CDK16: variants seen among roughly 807,000 people sequenced by gnomAD.
CDK16 encodes the protein cyclin dependent kinase 16, also known as cyclin-dependent kinase 16.
A neutral mutation model predicts 41.6 loss-of-function variants in CDK16; 2 were observed. That is an observed-to-expected ratio of 0.05 (90% CI 0.02 to 0.15). CDK16 has a LOEUF of 0.15. CDK16 is among the 10% of genes least tolerant of loss of function. The pLI, the probability that CDK16 is intolerant of heterozygous loss-of-function variation, is 1.00. For synonymous variants in CDK16, 169 were observed against 169.7 expected (o/e 1.00, Z 0.03); for missense variants, 228 against 428.9 (o/e 0.53, Z 4.14).
Position 47,226,881 on chromosome X carries a change from A to T in CDK16, c.1107A>T (p.Glu369Asp). 2.5e-6 allele frequency: 3 copies of T among 1,210,495 alleles called. No individual in the cohort carries two copies. The highest frequency in any genetic ancestry group is 3.4e-6 in the Non-Finnish European group (3 of 894,579). Residue 369 changes from glutamate to aspartate, a missense_variant, in exon 11 of 16, where the codon GAA becomes GAT. By Grantham distance (45) the Glu-to-Asp change is conservative (BLOSUM62 2). This residue lies in a region of CDK16 where 91 missense variants were observed against 129.5 expected (regional missense o/e 0.70). Transcript: ENST00000357227. ...TCTTTCCGGGCTCCACGGTGGAGGA[A>T]CAGCTACACTTCATCTTCCGTATCT... ...RPLFPGSTVEEQLHFIFRILG... is the reference protein window; with the variant it reads ...RPLFPGSTVEDQLHFIFRILG...
intron 1 of CDK16, among the ~76,000 whole-genome samples, chrX:47,219,514 G>C (rs887409403): frequency 1.8e-5 from 2 of 109,541 alleles, no homozygotes; most frequent in Admixed American, 9.6e-5. Context: ...AGGGACCCGA[G>C]GGTGTATAAC....
chrX:47,219,924 A>T (rs1243140203), intron 1 of CDK16, among the ~76,000 whole-genome samples: 1 of 110,414 alleles, frequency 9.1e-6, no homozygotes, highest in Non-Finnish European at 1.9e-5. Context: ...GGACTGTGGA[A>T]TACCTGAGCC....
chrX:47,218,866 G>T lies in CDK16; in HGVS notation c.-246G>T. 9.0e-7 allele frequency: 1 copy of T among 1,113,803 alleles called. No homozygotes were observed. The highest frequency in any genetic ancestry group is 2.0e-5 in the South Asian group (1 of 49,594). The allele number at this position is 1,113,803 out of a possible 1,213,427, so 91.8% of individuals were successfully genotyped here. On this transcript the variant is annotated 5_prime_UTR_variant, in exon 1 of 16. Transcript: ENST00000357227. ...CGAGTCCGGGGGCATCGCCCGCAGCGGCCAAGCTCATGGCCGGCTGAGCGG... is the reference window on the plus strand; with the variant it reads ...CGAGTCCGGGGGCATCGCCCGCAGCTGCCAAGCTCATGGCCGGCTGAGCGG...
chrX:47,229,293 A>C lies in CDK16; in HGVS notation c.*525A>C. 5.4e-6 allele frequency: 1 copy of C among 186,850 alleles called. No homozygotes were observed. The highest frequency in any genetic ancestry group is 9.9e-6 in the Non-Finnish European group (1 of 100,758). The allele number at this position is 186,850 out of a possible 1,213,427, so 15.4% of individuals were successfully genotyped here. On this transcript the variant is annotated 3_prime_UTR_variant, in exon 16 of 16. Coordinates refer to ENST00000357227, the MANE Select transcript of CDK16 (RefSeq NM_006201.5). ...TTTTTTTTTAATTATTTTAAATGAG[A>C]TTTTTGTTTTTTTTAAATGCAATAT...
Position 47,226,674 on chromosome X carries a change from C to T in CDK16, c.1008C>T (p.Ser336=). 1 of 1,211,144 alleles carries T rather than the reference C, an allele frequency of 8.3e-7. No individual in the cohort carries two copies. Among genetic ancestry groups the T allele is most frequent in the Non-Finnish European group, 1.1e-6 (1 of 894,675 alleles). The change falls in exon 10 of 16, where the codon TCC becomes TCT. Residue 336 remains serine (S), a synonymous_variant. Coordinates refer to ENST00000357227, the MANE Select transcript of CDK16 (RefSeq NM_006201.5). ...GGCCCCCTGACATCCTGCTTGGGTC[C>T]ACGGACTACTCCACTCAGATTGACA... ...WYRPPDILLG[S]TDYSTQIDMW...
At position 47,229,441 on chromosome X, in the gene CDK16, T is replaced by C. The variant is rs781200211; in HGVS notation, c.*673T>C. ...ACACAGCCCCTATTTGGAACCCTGA[T>C]CATCACCAGACCCTGGGATTGGCTA... On this transcript the variant is annotated 3_prime_UTR_variant, in exon 16 of 16. Coordinates refer to ENST00000357227, the MANE Select transcript of CDK16 (RefSeq NM_006201.5). 1 of 321,818 alleles carries C rather than the reference T, an allele frequency of 3.1e-6. No homozygotes were observed. Among genetic ancestry groups the C allele is most frequent in the Admixed American group, 3.3e-5 (1 of 30,360 alleles). The allele number at this position is 321,818 out of a possible 1,213,427, so 26.5% of individuals were successfully genotyped here. A position where few individuals can be genotyped will look rare whatever the true frequency, so the allele number is the denominator to read the frequency against.
chrX:47,228,952 C>A lies in CDK16; in HGVS notation c.*184C>A. Reference sequence around the variant, plus strand: ...TTGGCCTGTCAACCCACCCATTGGCCTGTCTGCTGGGTGCTAACAAAGCTC... The same window carrying A: ...TTGGCCTGTCAACCCACCCATTGGCATGTCTGCTGGGTGCTAACAAAGCTC... On this transcript the variant is annotated 3_prime_UTR_variant, in exon 16 of 16. Coordinates refer to ENST00000357227, the MANE Select transcript of CDK16 (RefSeq NM_006201.5). 1.9e-6 allele frequency: 1 copy of A among 516,656 alleles called. No individual in the cohort carries two copies. Among genetic ancestry groups the A allele is most frequent in the Non-Finnish European group, 3.4e-6 (1 of 290,268 alleles). The allele number at this position is 516,656 out of a possible 1,213,427, so 42.6% of individuals were successfully genotyped here. A position where few individuals can be genotyped will look rare whatever the true frequency, so the allele number is the denominator to read the frequency against.
At chrX:47,223,501 A>G in intron 1 of CDK16, 51 bp from the exon 2 acceptor site, 1 of 1,146,210 alleles carries the variant, frequency 8.7e-7, no homozygotes. Flanking sequence ...ACCCATGGTG[A>G]TCAAGCAAAT....
rs2055290764 is a variant in CDK16, at chrX:47,228,980, A to C, written c.*212A>C. ...TCTGCTGGGTGCTAACAAAGCTCTC[A>C]TCACTCCTTCACTTGGTCTGTCTGT... On this transcript the variant is annotated 3_prime_UTR_variant, in exon 16 of 16. Coordinates refer to ENST00000357227, the MANE Select transcript of CDK16 (RefSeq NM_006201.5). The C allele has an allele frequency of 2.0e-6, 1 of 494,166 alleles. No individual in the cohort carries two copies. 40.7% of individuals were successfully genotyped at this position (494,166 alleles called of 1,213,427 possible).
chrX:47,224,996 T>C lies in CDK16; in HGVS notation c.528T>C (p.Tyr176=). 8.3e-7 allele frequency: 1 copy of C among 1,206,634 alleles called. No individual in the cohort carries two copies. The highest frequency in any genetic ancestry group is 1.1e-6 in the Non-Finnish European group (1 of 892,358). ...ACTTCCTCACATTCCAGGGTACCTA[T>C]GCCACCGTCTACAAAGGCAAAAGCA... ...IKLDKLGEGT[Y]ATVYKGKSKL... Residue 176 remains tyrosine (Y), a synonymous_variant, in exon 6 of 16, where the codon TAT becomes TAC. Coordinates refer to ENST00000357227, the MANE Select transcript of CDK16 (RefSeq NM_006201.5).
intron 1 of CDK16, chrX:47,223,229 G>A (rs1344639681): frequency 8.6e-7 from 1 of 1,156,460 alleles, no homozygotes; most frequent in Non-Finnish European, 1.1e-6. Context: ...TTCTGCTCCT[G>A]CAGTGGGGCT....
intron 1 of CDK16, among the ~76,000 whole-genome samples, chrX:47,220,915 A>G: frequency 9.0e-6 from 1 of 111,032 alleles, no homozygotes; most frequent in Non-Finnish European, 1.9e-5. Flanking sequence ...TACGTTAATG[A>G]GGGGAGTCAG....
rs1937212232 is a variant in CDK16 at position 47,219,062 on chromosome X, C to T, written c.-50C>T. On this transcript the variant is annotated 5_prime_UTR_variant, in exon 1 of 16. Coordinates refer to ENST00000357227, the MANE Select transcript of CDK16 (RefSeq NM_006201.5). The stretch of plus-strand genomic sequence containing the variant: ...CCCGGGCCGCCGCCCCAGGCGCCGC[C>T]GCGCCGGCCCCGCGGCTCTGAGGTT... 2 of 818,025 alleles carry T rather than the reference C, an allele frequency of 2.4e-6. No individual in the cohort carries two copies. Among genetic ancestry groups the T allele is most frequent in the Non-Finnish European group, 2.9e-6 (2 of 682,931 alleles). 67.4% of individuals were successfully genotyped at this position (818,025 alleles called of 1,213,427 possible). A position where few individuals can be genotyped will look rare whatever the true frequency, so the allele number is the denominator to read the frequency against.
At chrX:47,218,521 C>T, upstream of CDK16, 1 of 996,366 alleles carries the variant, frequency 1.0e-6, no homozygotes, top group Non-Finnish European at 1.3e-6. Flanking sequence ...TAGCAAACTT[C>T]TGCCAAGATC....
intron 14 of CDK16, chrX:47,227,996 A>T (rs1488183141): frequency 2.6e-5 from 3 of 114,192 alleles, no homozygotes; most frequent in African/African-American, 9.7e-5. Context: ...CTGGCTTTTA[A>T]AAACTTTTTA....
chrX:47,225,105 A>G lies in CDK16; in HGVS notation c.634+3A>G. On this transcript the variant is annotated splice_donor_region_variant and intron_variant, in intron 6 of 15. Coordinates refer to ENST00000357227, the MANE Select transcript of CDK16 (RefSeq NM_006201.5). Reference sequence around the variant, plus strand: ...ACCCTGCACCGCCATCCGGGAAGGTACACACCCCCATCCCATCTGCCCCAG... The same window carrying G: ...ACCCTGCACCGCCATCCGGGAAGGTGCACACCCCCATCCCATCTGCCCCAG... The G allele has an allele frequency of 4.3e-6, 5 of 1,161,215 alleles. No individual in the cohort carries two copies. Among genetic ancestry groups the G allele is most frequent in the Non-Finnish European group, 5.8e-6 (5 of 856,201 alleles).
chrX:47,229,247 G>A lies in CDK16; in HGVS notation c.*479G>A. On this transcript the variant is annotated 3_prime_UTR_variant, in exon 16 of 16. Coordinates refer to ENST00000357227, the MANE Select transcript of CDK16 (RefSeq NM_006201.5). ...CCTCATATTGTGTGGGCCTTTTTTT[G>A]TTTGTTTCATTCATTGTTTTTTTTT... 6 of 197,380 alleles carry A rather than the reference G, an allele frequency of 3.0e-5. No homozygotes were observed. In the South Asian group the frequency reaches 3.9e-4, roughly 13 times the overall value. 16.3% of individuals were successfully genotyped at this position (197,380 alleles called of 1,213,427 possible).
chrX:47,228,697 C>T, intron 15 of CDK16, 34 bp from the exon 16 acceptor site: 1 of 1,208,887 alleles, frequency 8.3e-7, no homozygotes, highest in Non-Finnish European at 1.1e-6. Context: ...CCTGCTTACC[C>T]ACCAACAGCC....
chrX:47,218,784 A>G lies in CDK16; in HGVS notation c.-328A>G. On this transcript the variant is annotated 5_prime_UTR_variant, in exon 1 of 16. Coordinates refer to ENST00000357227, the MANE Select transcript of CDK16 (RefSeq NM_006201.5). Reference sequence around the variant, plus strand: ...CCCTGGGATCCGCCGCCACTCCGCGATCAGACCGCTCTGTGCCGCGAGCCG... The same window carrying G: ...CCCTGGGATCCGCCGCCACTCCGCGGTCAGACCGCTCTGTGCCGCGAGCCG... 8.7e-7 allele frequency: 1 copy of G among 1,153,384 alleles called. No homozygotes were observed. Among genetic ancestry groups the G allele is most frequent in the African/African-American group, 1.8e-5 (1 of 55,871 alleles).
Sources: allele counts gnomAD v4.1 joint callset (sites outside exome capture counted in the v4.1 genomes callset), GRCh38; gene constraint gnomAD v4.1.1; regional missense constraint gnomAD v4.1.1; transcripts MANE v1.5; gene names NCBI Gene and HGNC (gene_info 2026-07-23, HGNC 2026-07-21).